DAB1: variants seen among roughly 807,000 people sequenced by gnomAD.
The protein encoded by DAB1 is disabled homolog 1.
Under a neutral mutation model 64.6 loss-of-function variants are expected in DAB1, and 15 were observed. The observed-to-expected ratio is 0.23, with a 90% CI of 0.16 to 0.36. The LOEUF is 0.36. Among genes scored for constraint, DAB1 ranks in the 10% least tolerant of loss-of-function variants. The probability of loss-of-function intolerance (pLI) is 1.00; values close to 1 mark genes in which losing one functional copy is unlikely to be tolerated. For missense variants in DAB1, 596 were observed against 706.7 expected (o/e 0.84, Z 1.78); for synonymous variants, 235 against 251.9 (o/e 0.93, Z 0.64).
At chr1:57,867,152 T>A (rs897642794) in intron 1 of DAB1, 2 of 152,124 alleles carry the variant, frequency 1.3e-5, no homozygotes, top group East Asian at 3.9e-4. Context: ...GAGCTCTCCG[T>A]TGCTAACTGG....
At chr1:58,330,796 C>T (rs575383640) in intron 4 of DAB1, among the ~76,000 whole-genome samples, 4 of 152,324 alleles carry the variant, frequency 2.6e-5, no homozygotes, top group African/African-American at 9.6e-5. Flanking sequence ...TTGAGACTGA[C>T]TGCTCAGATA....
At chr1:57,437,035 CAAA>C (rs66682648) in intron 7 of DAB1, among the ~76,000 whole-genome samples, 1 of 108,874 alleles carries the variant, frequency 9.2e-6, no homozygotes, top group African/African-American at 3.8e-5. Flanking sequence ...GACTCCGTCT[CAAA>C]AAAAAAAAAA....
chr1:58,296,093 C>CAA (rs796336928), intron 4 of DAB1, among the ~76,000 whole-genome samples: 5 of 14,640 alleles, frequency 3.4e-4, no homozygotes, highest in African/African-American at 4.9e-4. Flanking sequence ...GACTCTGTCT[C>CAA]AAAAAAAAAA....
At chr1:57,421,902 C>CGGGGG (rs1309675216) in intron 1 of DAB1, among the ~76,000 whole-genome samples, 7 of 11,704 alleles carry the variant, frequency 6.0e-4, no homozygotes, top group Admixed American at 1.2e-3. Context: ...TGGGGGGTGG[C>CGGGGG]GGGGGGGGGG....
intron 3 of DAB1, among the ~76,000 whole-genome samples, chr1:58,372,647 T>A (rs1557742239): frequency 6.6e-6 from 1 of 152,232 alleles, no homozygotes; most frequent in Non-Finnish European, 1.5e-5. Flanking sequence ...TCATCTTGAA[T>A]TATAATCCAA....
At chr1:57,214,910 CAAAAAAAAA>C (rs56175448) in intron 2 of DAB1, among the ~76,000 whole-genome samples, 15 of 58,744 alleles carry the variant, frequency 2.6e-4, no homozygotes, top group African/African-American at 1.1e-3. Context: ...GATTCCCTCT[CAAAAAAAAA>C]AAAAAAAAAA....
chr1:57,624,731 CA>C (rs1180364336), intron 7 of DAB1, among the ~76,000 whole-genome samples: 1 of 151,944 alleles, frequency 6.6e-6, no homozygotes, highest in South Asian at 2.1e-4. Context: ...CATTTCTAAC[CA>C]AAAAAACCTT....
chr1:57,098,039 A>G (rs1654333147), intron 4 of DAB1, among the ~76,000 whole-genome samples: 1 of 152,170 alleles, frequency 6.6e-6, no homozygotes, highest in Non-Finnish European at 1.5e-5. Flanking sequence ...AGCCTCCCAA[A>G]GTGCTGGGAT....
At chr1:57,031,067 C>A (rs898262424) in intron 9 of DAB1, among the ~76,000 whole-genome samples, 5 of 152,136 alleles carry the variant, frequency 3.3e-5, no homozygotes, top group Admixed American at 6.5e-5. Context: ...TTAAAATAAC[C>A]TTCATACTTG....
intron 9 of DAB1, among the ~76,000 whole-genome samples, chr1:57,030,946 G>A (rs1557586797): frequency 2.0e-5 from 3 of 152,136 alleles, no homozygotes; most frequent in Admixed American, 6.6e-5. Flanking sequence ...TTAAAATGAA[G>A]TTATTAATTA....
chr1:58,123,475 T>C (rs1042506307), intron 5 of DAB1, among the ~76,000 whole-genome samples: 3 of 152,112 alleles, frequency 2.0e-5, no homozygotes, highest in African/African-American at 7.2e-5. Flanking sequence ...AATAGCTAAG[T>C]AGGTCAAAAG....
chr1:57,515,358 G>T (rs539407697), intron 7 of DAB1, among the ~76,000 whole-genome samples: 15 of 152,314 alleles, frequency 9.8e-5, no homozygotes, highest in Middle Eastern at 6.8e-3. Context: ...AGCTTTATTA[G>T]CTTATTACCA....
chr1:57,848,997 T>C (rs1390267991), intron 1 of DAB1, among the ~76,000 whole-genome samples: 2 of 152,214 alleles, frequency 1.3e-5, no homozygotes, highest in Non-Finnish European at 2.9e-5. Flanking sequence ...GTAAATATTA[T>C]TTCAAGGGAA....
intron 4 of DAB1, among the ~76,000 whole-genome samples, chr1:58,246,109 A>T (rs189265312): frequency 1.0e-3 from 135 of 131,584 alleles, no homozygotes; most frequent in Non-Finnish European, 4.1e-4. Context: ...TCTAAAAAAA[A>T]AGTTTGTATC....
At chr1:57,971,152 T>C (rs1645786528) in intron 5 of DAB1, among the ~76,000 whole-genome samples, 1 of 152,196 alleles carries the variant, frequency 6.6e-6, no homozygotes, top group Non-Finnish European at 1.5e-5. Context: ...AGGCAAGACT[T>C]GGATCTTTTG....
At chr1:58,422,644 G>A (rs375570116) in intron 3 of DAB1, among the ~76,000 whole-genome samples, 29 of 141,172 alleles carry the variant, frequency 2.1e-4, no homozygotes, top group East Asian at 1.0e-3. Context: ...ACGTTCTGTC[G>A]CCCAGGCTGG....
intron 4 of DAB1, among the ~76,000 whole-genome samples, chr1:58,240,394 T>C (rs1370914502): frequency 6.6e-6 from 1 of 152,208 alleles, no homozygotes; most frequent in Admixed American, 6.5e-5. Flanking sequence ...CACACCATCA[T>C]GGATCATGTC....
rs1054440279 is a variant in DAB1 at position 57,548,106 on chromosome 1, G to C, written n.625+101486C>G. 3.4e-4 allele frequency among the ~76,000 whole-genome samples: 51 copies of C among 148,228 alleles called. 2 individuals are homozygous for C. Among genetic ancestry groups the C allele is most frequent in the South Asian group, 1.0e-3 (5 of 4,786 alleles). On this transcript the variant is annotated intron_variant and non_coding_transcript_variant, in intron 7 of 20. Coordinates refer to the DAB1 transcript ENST00000485760. ...AGGTTATTTATAAATATCTTTCTCT[G>C]TCTGTCTGCATCCTCAACCAGACTG...
At chr1:57,651,282 T>C (rs1478591221) in intron 6 of DAB1, among the ~76,000 whole-genome samples, 1 of 152,174 alleles carries the variant, frequency 6.6e-6, no homozygotes, top group Non-Finnish European at 1.5e-5. Flanking sequence ...GGAATATTTA[T>C]CTAGTAACAA....
Sources: allele counts gnomAD v4.1 joint callset (sites outside exome capture counted in the v4.1 genomes callset), GRCh38; gene constraint gnomAD v4.1.1; transcripts MANE v1.5; gene names NCBI Gene and HGNC (gene_info 2026-07-23, HGNC 2026-07-21).